EYA2: variants seen among roughly 807,000 people sequenced by gnomAD.
The protein encoded by EYA2 is protein phosphatase EYA2.
In EYA2, 31 loss-of-function variants were observed where a neutral mutation model predicts 69.2. The observed-to-expected ratio is 0.45, with a 90% CI of 0.34 to 0.60. EYA2 has a LOEUF of 0.60. Among genes scored for constraint, EYA2 ranks in the 20% least tolerant of loss-of-function variants. The probability of loss-of-function intolerance (pLI) is 0.02; values close to 1 mark genes in which losing one functional copy is unlikely to be tolerated. For missense variants in EYA2, 622 were observed against 701.2 expected, an observed-to-expected ratio of 0.89 and a Z score of 1.28; for synonymous variants, 257 against 279.4, an observed-to-expected ratio of 0.92 and a Z score of 0.80.
At chr20:46,982,482 T>C (rs958522207) in intron 1 of EYA2, among the ~76,000 whole-genome samples, 1 of 152,222 alleles carries the variant, frequency 6.6e-6, no homozygotes, top group East Asian at 1.9e-4. Context: ...TGACTTGATA[T>C]CTGTCATCCA....
intron 1 of EYA2, among the ~76,000 whole-genome samples, chr20:46,943,993 A>C (rs1346079822): frequency 6.6e-6 from 1 of 152,194 alleles, no homozygotes; most frequent in Non-Finnish European, 1.5e-5. Context: ...CTTGTGCCAA[A>C]AACAAGCAGG....
chr20:47,089,361 G>T lies in EYA2; in HGVS notation c.784G>T (p.Ala262Ser), dbSNP rs753782099. The T allele has an allele frequency of 7.4e-6, 12 of 1,613,948 alleles. No individual in the cohort carries two copies. The highest frequency in any genetic ancestry group is 9.3e-6 in the Non-Finnish European group (11 of 1,179,922). ...TAAGAGGAGCAGTGACCCGTCCCCGGCAGGGGACAATGAGATTGAGGTAAT... is the reference window on the plus strand; with the variant it reads ...TAAGAGGAGCAGTGACCCGTCCCCGTCAGGGGACAATGAGATTGAGGTAAT... The part of the protein sequence containing the change: ...RSKRSSDPSP[A>S]GDNEIERVFV... The change falls in exon 8 of 16, where the codon GCA (alanine) becomes TCA (serine). Residue 262 changes from alanine to serine, a missense_variant. Physicochemically the swap from Ala to Ser is moderately conservative, Grantham distance 99. Transcript: ENST00000327619.
At chr20:46,973,554 G>A (rs13042954) in intron 1 of EYA2, among the ~76,000 whole-genome samples, 68,442 of 152,020 alleles carry the variant, frequency 0.45, 15,863 homozygotes, top group African/African-American at 0.49. Context: ...TTTTAAATGA[G>A]GTGTGGTGGA....
chr20:47,140,284 A>G (rs926383503), intron 9 of EYA2, among the ~76,000 whole-genome samples: 17 of 152,026 alleles, frequency 1.1e-4, no homozygotes, highest in Non-Finnish European at 2.5e-4. Flanking sequence ...TTCACTGAGT[A>G]CCCTGCCCCA....
chr20:46,918,933 G>A (rs573747609), intron 1 of EYA2, among the ~76,000 whole-genome samples: 38 of 152,332 alleles, frequency 2.5e-4, no homozygotes, highest in African/African-American at 7.9e-4. Context: ...GTTAGTGGGC[G>A]TGAAGACAAC....
intron 5 of EYA2, among the ~76,000 whole-genome samples, chr20:47,046,756 C>CCA (rs2030059980): frequency 6.9e-6 from 1 of 145,502 alleles, no homozygotes; most frequent in African/African-American, 2.8e-5. Flanking sequence ...AGGTTTGACA[C>CCA]TGTAAAATAT....
At chr20:47,058,568 GGTGTGGTA>G (rs2030745116) in intron 5 of EYA2, among the ~76,000 whole-genome samples, 1 of 152,194 alleles carries the variant, frequency 6.6e-6, no homozygotes, top group Admixed American at 6.5e-5. Context: ...TGGAAGGCCA[GGTGTGGTA>G]GCTCATGTTT....
At chr20:47,070,469 A>G (rs558592077) in intron 5 of EYA2, among the ~76,000 whole-genome samples, 1 of 152,354 alleles carries the variant, frequency 6.6e-6, no homozygotes, top group South Asian at 2.1e-4. Context: ...CCACTTAGGA[A>G]AACAGTTTGG....
chr20:47,158,517 C>G (rs1182128654), intron 10 of EYA2, among the ~76,000 whole-genome samples: 1 of 139,698 alleles, frequency 7.2e-6, no homozygotes, highest in South Asian at 2.4e-4. Flanking sequence ...AACTCTGTCT[C>G]AAAAAAAAAA....
At chr20:47,048,182 A>G (rs1359626998) in intron 5 of EYA2, among the ~76,000 whole-genome samples, 1 of 152,192 alleles carries the variant, frequency 6.6e-6, no homozygotes, top group African/African-American at 2.4e-5. Context: ...ACACAGAAAC[A>G]TTTTTAACTG....
Position 47,188,162 on chromosome 20 carries a change from C to G in EYA2, c.*29C>G, listed in dbSNP as rs2034685727. The G allele has an allele frequency of 6.5e-7, 1 of 1,548,912 alleles. No homozygotes were observed. The highest frequency in any genetic ancestry group is 8.7e-7 in the Non-Finnish European group (1 of 1,146,002). On this transcript the variant is annotated 3_prime_UTR_variant, in exon 16 of 16. Coordinates refer to ENST00000327619, the MANE Select transcript of EYA2 (RefSeq NM_005244.5). ...GATCAGCAGCATCTCCACCTGCCAT[C>G]TCACCCTCAGACCCCCTCGCCTTCC...
intron 9 of EYA2, among the ~76,000 whole-genome samples, chr20:47,116,544 C>G (rs1290258100): frequency 6.6e-6 from 1 of 152,176 alleles, no homozygotes; most frequent in Non-Finnish European, 1.5e-5. Flanking sequence ...CTCCCCTCCC[C>G]CATTATTCCC....
intron 9 of EYA2, among the ~76,000 whole-genome samples, chr20:47,118,810 G>A (rs942216004): frequency 3.3e-5 from 5 of 151,954 alleles, no homozygotes; most frequent in Admixed American, 6.6e-5. Flanking sequence ...CTAATTTTCC[G>A]CCCACAGATT....
At chr20:47,081,293 A>T (rs531374891) in intron 7 of EYA2, among the ~76,000 whole-genome samples, 11 of 152,188 alleles carry the variant, frequency 7.2e-5, no homozygotes, top group Non-Finnish European at 1.3e-4. Context: ...ATATACTTGA[A>T]ACTTGCTGAG....
At chr20:46,897,307 A>G (rs1983861079) in intron 1 of EYA2, among the ~76,000 whole-genome samples, 1 of 152,204 alleles carries the variant, frequency 6.6e-6, no homozygotes, top group African/African-American at 2.4e-5. Context: ...TACATTTTGA[A>G]TTAGGGTGAG....
chr20:47,174,910 G>C (rs1370986049), intron 12 of EYA2, among the ~76,000 whole-genome samples: 1 of 152,234 alleles, frequency 6.6e-6, no homozygotes, highest in East Asian at 1.9e-4. Flanking sequence ...GTTGATTGCA[G>C]GAGTGAAGCA....
intron 1 of EYA2, among the ~76,000 whole-genome samples, chr20:46,973,344 G>A (rs968605698): frequency 2.6e-4 from 39 of 152,176 alleles, no homozygotes; most frequent in African/African-American, 9.4e-4. Flanking sequence ...AGGAGGGGGA[G>A]GCTATTCTAG....
chr20:47,060,544 A>G (rs764432982), intron 5 of EYA2, among the ~76,000 whole-genome samples: 21 of 152,260 alleles, frequency 1.4e-4, no homozygotes, highest in Non-Finnish European at 2.4e-4. Context: ...CTTAGTCTTC[A>G]TCAGCCTGGG....
chr20:47,079,393 C>A (rs936009398), intron 7 of EYA2, among the ~76,000 whole-genome samples: 1 of 152,184 alleles, frequency 6.6e-6, no homozygotes, highest in Non-Finnish European at 1.5e-5. Flanking sequence ...CACTTCCTTG[C>A]CCTTCTACCT....
Sources: allele counts gnomAD v4.1 joint callset (sites outside exome capture counted in the v4.1 genomes callset), GRCh38; gene constraint gnomAD v4.1.1; transcripts MANE v1.5; gene names NCBI Gene and HGNC (gene_info 2026-07-23, HGNC 2026-07-21).